The following NHS variants were observed in gnomAD, a reference collection of about 807,000 sequenced individuals.
NHS encodes actin remodeling regulator NHS.
In NHS, 5 loss-of-function variants were observed where a neutral mutation model predicts 72.5. The observed-to-expected ratio is 0.07, with a 90% confidence interval of 0.04 to 0.14. The LOEUF (loss-of-function observed/expected upper bound fraction) is 0.14. NHS is among the 10% of genes least tolerant of loss of function. The probability of loss-of-function intolerance (pLI) is 1.00; values close to 1 mark genes in which losing one functional copy is unlikely to be tolerated. For missense variants in NHS, 1,072 were observed against 1,355.7 expected, an observed-to-expected ratio of 0.79 and a Z score of 3.29; for synonymous variants, 464 against 547.7, an observed-to-expected ratio of 0.85 and a Z score of 2.13.
At chrX:17,684,361 C>T (rs2066148096) in intron 1 of NHS, among the ~76,000 whole-genome samples, 1 of 111,901 alleles carries the variant, frequency 8.9e-6, no homozygotes, top group Admixed American at 9.5e-5. Context: ...TTCCATGGGT[C>T]AGGAGTCTGG....
intron 3 of NHS, among the ~76,000 whole-genome samples, chrX:17,697,998 A>G (rs1046499866): frequency 1.8e-5 from 2 of 111,472 alleles, no homozygotes; most frequent in African/African-American, 6.5e-5. Flanking sequence ...AAGACAACAC[A>G]TCTTACAGAG....
intron 1 of NHS, among the ~76,000 whole-genome samples, chrX:17,569,564 A>G (rs2065464382): frequency 8.9e-6 from 1 of 111,883 alleles, no homozygotes; most frequent in Admixed American, 9.4e-5. Context: ...GATTCTGGAT[A>G]TTAGCCCTTT....
chrX:17,634,538 T>A (rs2065835431), intron 1 of NHS, among the ~76,000 whole-genome samples: 1 of 111,747 alleles, frequency 8.9e-6, no homozygotes, highest in Admixed American at 9.4e-5. Context: ...CATGACAACA[T>A]AAGGCTATTA....
intron 1 of NHS, among the ~76,000 whole-genome samples, chrX:17,444,363 A>G (rs1380148078): frequency 1.8e-5 from 2 of 111,760 alleles, no homozygotes; most frequent in African/African-American, 6.5e-5. Flanking sequence ...CTGAAACAGA[A>G]TCTAATTTTA....
chrX:17,563,672 C>T (rs1163583608), intron 1 of NHS, among the ~76,000 whole-genome samples: 5 of 111,445 alleles, frequency 4.5e-5, no homozygotes, highest in Non-Finnish European at 7.5e-5. Context: ...CTCATAGGGT[C>T]GATCAGTCAC....
rs1340498641 is a variant in NHS, at chrX:17,732,044, A to G, written c.4536A>G (p.Thr1512=). The change falls in exon 9 of 9, where the codon ACA becomes ACG. Residue 1512 remains threonine, a synonymous_variant. Coordinates refer to ENST00000676302, the MANE Select transcript of NHS (RefSeq NM_001291867.2). ...LIYRNAKKSN[T]SNEEFKLLLL... ...ACCGAAATGCCAAAAAGTCCAACAC[A>G]TCCAATGAAGAGTTTAAGCTGTTAC... 1.7e-6 allele frequency: 2 copies of G among 1,211,311 alleles called. No individual in the cohort carries two copies. Among genetic ancestry groups the G allele is most frequent in the East Asian group, 5.9e-5 (2 of 33,825 alleles).
intron 1 of NHS, among the ~76,000 whole-genome samples, chrX:17,640,957 T>C (rs2065877793): frequency 8.9e-6 from 1 of 112,143 alleles, no homozygotes; most frequent in African/African-American, 3.2e-5. Flanking sequence ...TTTCCACACC[T>C]GTCTCAGAAA....
rs1263096139 is a variant in NHS at position 17,687,760 on chromosome X, T to C, written c.584T>C (p.Ile195Thr). The C allele has an allele frequency of 2.5e-6, 3 of 1,210,023 alleles. No individual in the cohort carries two copies. The highest frequency in any genetic ancestry group is 2.2e-5 in the Admixed American group (1 of 45,823). ...QEAVPVSNLD[I>T]ESKLSVYYRA... ...CTTGCAGCCGTCTCCAACCTGGACA[T>C]AGAGAGTAAGCTGAGTGTGTACTAC... The change falls in exon 2 of 9, where the codon ATA becomes ACA. Residue 195 changes from isoleucine (I) to threonine (T), a missense_variant. Physicochemically the swap from Ile to Thr is moderately conservative, Grantham distance 89 (BLOSUM62 -1). Transcript: ENST00000676302.
intron 1 of NHS, among the ~76,000 whole-genome samples, chrX:17,633,231 T>C (rs2065828758): frequency 8.9e-6 from 1 of 112,246 alleles, no homozygotes; most frequent in African/African-American, 3.2e-5. Context: ...TTCAGTTTCT[T>C]TTTTTCACCT....
rs181281506 is a variant in NHS at position 17,639,318 on chromosome X, C to A, written c.566-48424C>A. ...GTCACAGTTCTGTTCTTGAGGACTT[C>A]CAAGTCAGGTGCCTTAGTCCATTTT... On this transcript the variant is annotated intron_variant, in intron 1 of 8. Transcript: ENST00000676302. Among the ~76,000 whole-genome samples the A allele has an allele frequency of 3.0e-3, 332 of 111,936 alleles. 3 individuals carry two copies. Among genetic ancestry groups the A allele is most frequent in the African/African-American group, 0.01 (314 of 30,814 alleles).
chrX:17,503,848 C>T (rs2065045724), intron 1 of NHS, among the ~76,000 whole-genome samples: 1 of 111,115 alleles, frequency 9.0e-6, no homozygotes, highest in Non-Finnish European at 1.9e-5. Flanking sequence ...GCTCTTAAGT[C>T]CCATGCCCAG....
At chrX:17,596,206 G>A (rs1379582066) in intron 1 of NHS, among the ~76,000 whole-genome samples, 1 of 112,514 alleles carries the variant, frequency 8.9e-6, no homozygotes, top group African/African-American at 3.2e-5. Context: ...ATGGATGCAA[G>A]TCAAGACAGA....
chrX:17,495,479 G>A (rs761400257), intron 1 of NHS, among the ~76,000 whole-genome samples: 246 of 111,894 alleles, frequency 2.2e-3, no homozygotes, highest in Middle Eastern at 4.6e-3. Context: ...ATATATAGAT[G>A]TATTCTTTCA....
intron 5 of NHS, among the ~76,000 whole-genome samples, chrX:17,723,357 C>G (rs1262459011): frequency 8.9e-6 from 1 of 111,906 alleles, no homozygotes; most frequent in East Asian, 2.8e-4. Flanking sequence ...TTGAAAAATC[C>G]ATGGTGCAGA....
At chrX:17,731,735 C>A in intron 8 of NHS, 123 bp from the exon 9 acceptor site, 1 of 876,501 alleles carries the variant, frequency 1.1e-6, no homozygotes, top group Non-Finnish European at 1.6e-6. Flanking sequence ...TGCTTAGTAT[C>A]CCATCATATA....
intron 1 of NHS, among the ~76,000 whole-genome samples, chrX:17,579,760 C>T (rs770587990): frequency 1.3e-4 from 15 of 111,451 alleles, no homozygotes; most frequent in African/African-American, 4.6e-4. Flanking sequence ...TAGTTTCTCA[C>T]CTCAAGAATT....
At chrX:17,665,549 G>C (rs888162672) in intron 1 of NHS, among the ~76,000 whole-genome samples, 5 of 109,092 alleles carry the variant, frequency 4.6e-5, no homozygotes. Flanking sequence ...GGATGGTCTC[G>C]ATCTCCTGAC....
In NHS at chrX:17,735,407, G is replaced by C. The variant is rs1298652068; in HGVS notation, c.*2943G>C. 8.8e-6 allele frequency: 1 copy of C among 113,116 alleles called. No individual in the cohort carries two copies. Among genetic ancestry groups the C allele is most frequent in the Non-Finnish European group, 1.9e-5 (1 of 53,355 alleles). The allele number at this position is 113,116 out of a possible 1,213,427, so 9.3% of individuals were successfully genotyped here. On this transcript the variant is annotated 3_prime_UTR_variant, in exon 9 of 9. Coordinates refer to ENST00000676302, the MANE Select transcript of NHS (RefSeq NM_001291867.2). ...TTTCTTCTGTTGTTTGCACTGATGC[G>C]ATTTTTTGTTCTTTTATGTTTATAC... is the stretch of plus-strand genomic sequence containing the variant.
intron 1 of NHS, among the ~76,000 whole-genome samples, chrX:17,432,577 A>G (rs1218938264): frequency 2.7e-5 from 3 of 112,406 alleles, no homozygotes; most frequent in African/African-American, 9.7e-5. Flanking sequence ...TTAGCTAATT[A>G]TGCTTTAGAT....
Sources: allele counts gnomAD v4.1 joint callset (sites outside exome capture counted in the v4.1 genomes callset), GRCh38; gene constraint gnomAD v4.1.1; transcripts MANE v1.5; gene names NCBI Gene and HGNC (gene_info 2026-07-23, HGNC 2026-07-21).